The following RWDD1 variants were observed in gnomAD, a reference collection of about 807,000 sequenced individuals.
RWDD1 encodes RWD domain containing 1, also known as RWD domain-containing protein 1.
RWDD1 carries 17 observed loss-of-function variants against 31.6 expected under a neutral mutation model. The ratio of observed to expected loss-of-function variants is 0.54; its 90% CI spans 0.37 to 0.81. The LOEUF (loss-of-function observed/expected upper bound fraction) is 0.81. RWDD1 is among the 30% of genes least tolerant of loss of function. RWDD1 has a pLI of 0.00. For synonymous variants in RWDD1, 78 were observed against 94.2 expected (o/e 0.83, Z 0.99); for missense variants, 204 against 274.5 (o/e 0.74, Z 1.82).
In RWDD1 at chr6:116,589,075, T is replaced by A. The variant is rs866128129; in HGVS notation, c.414+90T>A. 1.2e-3 allele frequency: 1,333 copies of A among 1,070,592 alleles called. 9 individuals are homozygous for A. The African/African-American group carries it at 0.017, about 13-fold the overall frequency. 66.3% of individuals were successfully genotyped at this position (1,070,592 alleles called of 1,614,324 possible). ...TTTTTTTTTAATCAATAGCAGTATTTTTTTTGGAAATCACAAAAATAAATA... is the reference window on the plus strand; with the variant it reads ...TTTTTTTTTAATCAATAGCAGTATTATTTTTGGAAATCACAAAAATAAATA... On this transcript the variant is annotated intron_variant, in intron 4 of 6. Transcript: ENST00000466444.
In RWDD1 at chr6:116,595,885, C is replaced by T. The variant is rs1379733317; in HGVS notation, c.*2784C>T. ...GGATAAATGCTGATCTAAGGCAACACGTCTAAATGGTTATGTGAACATTTC... is the reference window on the plus strand; with the variant it reads ...GGATAAATGCTGATCTAAGGCAACATGTCTAAATGGTTATGTGAACATTTC... On this transcript the variant is annotated 3_prime_UTR_variant, in exon 7 of 7. Transcript: ENST00000466444. The T allele has an allele frequency of 6.6e-6, 1 of 152,122 alleles. No individual in the cohort carries two copies. Among genetic ancestry groups the T allele is most frequent in the East Asian group, 1.9e-4 (1 of 5,200 alleles). The allele number at this position is 152,122 out of a possible 1,614,324, so 9.4% of individuals were successfully genotyped here.
intron 1 of RWDD1, among the ~76,000 whole-genome samples, chr6:116,576,692 A>C (rs1290023767): frequency 6.6e-6 from 1 of 152,158 alleles, no homozygotes; most frequent in African/African-American, 2.4e-5. Flanking sequence ...AAATTTAGGG[A>C]GAGGGGATGG....
chr6:116,585,672 T>C (rs191234616), intron 3 of RWDD1, among the ~76,000 whole-genome samples: 226 of 152,304 alleles, frequency 1.5e-3, no homozygotes, highest in African/African-American at 4.4e-3. Context: ...TATAGAAATA[T>C]CTGGAGCTGT....
chr6:116,594,628 A>G lies in RWDD1; in HGVS notation c.*1527A>G, dbSNP rs1468795042. ...TTGGGGATCGTACATTGTCTGCAAGAGAAACACATTAACATCCGTGCACAT... is the reference window on the plus strand; with the variant it reads ...TTGGGGATCGTACATTGTCTGCAAGGGAAACACATTAACATCCGTGCACAT... On this transcript the variant is annotated 3_prime_UTR_variant, in exon 7 of 7. Coordinates refer to ENST00000466444, the MANE Select transcript of RWDD1 (RefSeq NM_015952.4). The G allele has an allele frequency of 6.6e-6, 1 of 152,226 alleles. No homozygotes were observed. Among genetic ancestry groups the G allele is most frequent in the Non-Finnish European group, 1.5e-5 (1 of 68,050 alleles). The allele number at this position is 152,226 out of a possible 1,614,324, so 9.4% of individuals were successfully genotyped here. A position where few individuals can be genotyped will look rare whatever the true frequency, so the allele number is the denominator to read the frequency against.
Position 116,584,839 on chromosome 6 carries a change from A to C in RWDD1, c.252A>C (p.Leu84Phe), listed in dbSNP as rs1043483648. 3.8e-6 allele frequency: 6 copies of C among 1,589,182 alleles called. No individual in the cohort carries two copies. The highest frequency in any genetic ancestry group is 5.2e-6 in the Non-Finnish European group (6 of 1,157,636). The change falls in exon 3 of 7, where the codon TTA becomes TTC. Residue 84 changes from leucine (L) to phenylalanine (F), a missense_variant. Transcript: ENST00000466444. ...NLEDNDVSDI[L>F]KLLALQAEEN... is the part of the protein sequence containing the mutation. Reference sequence around the variant, plus strand: ...AAGATAATGATGTCTCAGACATTTTAAAATTACTAGCATTACAGGTAAGGA... The same window carrying C: ...AAGATAATGATGTCTCAGACATTTTCAAATTACTAGCATTACAGGTAAGGA...
chr6:116,586,541 T>C (rs563825249), intron 3 of RWDD1, among the ~76,000 whole-genome samples: 99 of 152,318 alleles, frequency 6.5e-4, no homozygotes, highest in African/African-American at 2.3e-3. Context: ...CTCATCTTTT[T>C]GTAAAACAGT....
intron 1 of RWDD1, among the ~76,000 whole-genome samples, chr6:116,578,870 G>A (rs573619951): frequency 9.1e-4 from 123 of 134,444 alleles, no homozygotes; most frequent in Non-Finnish European, 1.6e-3. Flanking sequence ...GAAAATAATT[G>A]GTTTTTGGGG....
At chr6:116,580,219 A>T (rs1032753890) in intron 1 of RWDD1, 76 bp from the exon 2 acceptor site, 1 of 975,204 alleles carries the variant, frequency 1.0e-6, no homozygotes, top group Non-Finnish European at 1.6e-6. Flanking sequence ...AGGACTGGGT[A>T]CTGATAATTT....
chr6:116,596,833 TTAA>T lies in RWDD1; in HGVS notation c.*3734_*3736del, dbSNP rs1460073574. 6.6e-6 allele frequency: 1 copy of T among 152,154 alleles called. No individual in the cohort carries two copies. The highest frequency in any genetic ancestry group is 1.5e-5 in the Non-Finnish European group (1 of 68,026). The allele number at this position is 152,154 out of a possible 1,614,324, so 9.4% of individuals were successfully genotyped here. A position where few individuals can be genotyped will look rare whatever the true frequency, so the allele number is the denominator to read the frequency against. Reference sequence around the variant, plus strand: ...GCGCCAGCCTTTCTTTGTGATAATGTTAATTTTTTTTTTCCTCCCCTCCATGAA... The same window carrying T: ...GCGCCAGCCTTTCTTTGTGATAATGTTTTTTTTTTTCCTCCCCTCCATGAA... On this transcript the variant is annotated 3_prime_UTR_variant, in exon 7 of 7. Coordinates refer to ENST00000466444, the MANE Select transcript of RWDD1 (RefSeq NM_015952.4).
chr6:116,577,705 T>C (rs1488766326), intron 1 of RWDD1, among the ~76,000 whole-genome samples: 1 of 152,132 alleles, frequency 6.6e-6, no homozygotes. Context: ...TTTGCCTGGA[T>C]GATTGCAATA....
In RWDD1 at chr6:116,594,440, TC is replaced by T. The variant is rs565652703; in HGVS notation, c.*1343del. 1 of 152,156 alleles carries T rather than the reference TC, an allele frequency of 6.6e-6. No homozygotes were observed. Among genetic ancestry groups the T allele is most frequent in the Non-Finnish European group, 1.5e-5 (1 of 68,018 alleles). The allele number at this position is 152,156 out of a possible 1,614,324, so 9.4% of individuals were successfully genotyped here. ...CTCAAGTTAGATTTATGAACACTGA[TC>T]CCCAGTCTGAATTTTAAAACAGCAA... On this transcript the variant is annotated 3_prime_UTR_variant, in exon 7 of 7. Transcript: ENST00000466444.
intron 1 of RWDD1, among the ~76,000 whole-genome samples, 154 bp downstream of exon 1, chr6:116,571,809 T>C (rs968561383): frequency 5.9e-5 from 9 of 152,026 alleles, no homozygotes; most frequent in African/African-American, 2.2e-4. Context: ...CTTCAGTCAC[T>C]TACCAGCAAC....
At chr6:116,591,001 C>CT (rs765824178) in intron 6 of RWDD1, 51 bp downstream of exon 6, 11 of 1,510,548 alleles carry the variant, frequency 7.3e-6, no homozygotes, top group African/African-American at 2.9e-5. Context: ...TAGCTCAAAC[C>CT]TGTAATCCCA....
intron 2 of RWDD1, among the ~76,000 whole-genome samples, chr6:116,581,830 G>A (rs1372810404): frequency 6.6e-6 from 1 of 151,952 alleles, no homozygotes; most frequent in Non-Finnish European, 1.5e-5. Flanking sequence ...AATGACTACT[G>A]TATTTATGGG....
At chr6:116,574,066 C>T (rs1774793198) in intron 1 of RWDD1, 1 of 779,098 alleles carries the variant, frequency 1.3e-6, no homozygotes, top group Non-Finnish European at 1.6e-6. Flanking sequence ...AGCTTGATTG[C>T]ACATTGATCC....
chr6:116,588,901 A>G lies in RWDD1; in HGVS notation c.330A>G (p.Lys110=). Residue 110 remains lysine (K), a synonymous_variant, in exon 4 of 7, where the codon AAA becomes AAG. Coordinates refer to ENST00000466444, the MANE Select transcript of RWDD1 (RefSeq NM_015952.4). ...IFTLVTAVQE[K]LNEIVDQIKT... ...CTCTAGTGACAGCTGTGCAAGAAAA[A>G]TTAAATGAAATAGTAGATCAGATAA... 2 of 1,514,188 alleles carry G rather than the reference A, an allele frequency of 1.3e-6. No homozygotes were observed. Among genetic ancestry groups the G allele is most frequent in the Non-Finnish European group, 1.8e-6 (2 of 1,135,228 alleles). 93.8% of individuals were successfully genotyped at this position (1,514,188 alleles called of 1,614,324 possible).
In RWDD1 at chr6:116,571,520, T is replaced by G; in HGVS notation, c.-63T>G. ...CCGCCCGCTCTCCCGGCGCGGCAGCTGTCTGGGCTGCTGCGCGCCGCCTAG... is the reference window on the plus strand; with the variant it reads ...CCGCCCGCTCTCCCGGCGCGGCAGCGGTCTGGGCTGCTGCGCGCCGCCTAG... On this transcript the variant is annotated 5_prime_UTR_variant, in exon 1 of 7. Transcript: ENST00000466444. The G allele has an allele frequency of 6.5e-7, 1 of 1,536,312 alleles. No homozygotes were observed. Among genetic ancestry groups the G allele is most frequent in the Non-Finnish European group, 8.8e-7 (1 of 1,134,142 alleles).
intron 1 of RWDD1, among the ~76,000 whole-genome samples, chr6:116,574,632 T>C (rs529044625): frequency 6.6e-6 from 1 of 152,006 alleles, no homozygotes; most frequent in Non-Finnish European, 1.5e-5. Flanking sequence ...GCCCTTCCTC[T>C]GTGGCCAACA....
intron 1 of RWDD1, 47 bp from the exon 2 acceptor site, chr6:116,580,248 C>T: frequency 7.2e-7 from 1 of 1,398,286 alleles, no homozygotes; most frequent in South Asian, 1.3e-5. Flanking sequence ...GGAAAAGCAT[C>T]TGCCTTAGAA....
Sources: gnomAD v4.1 joint callset for allele counts (sites outside exome capture counted in the v4.1 genomes callset) on GRCh38, gnomAD v4.1.1 for gene constraint, MANE v1.5 for transcripts, NCBI Gene and HGNC (gene_info 2026-07-23, HGNC 2026-07-21) for gene names.